PRKCB: variants seen among roughly 807,000 people sequenced by gnomAD.
PRKCB encodes protein kinase C beta, also known as protein kinase C beta type.
A neutral mutation model predicts 81.5 loss-of-function variants in PRKCB; 13 were observed. The ratio of observed to expected loss-of-function variants is 0.16; its 90% CI spans 0.10 to 0.25. The LOEUF is 0.25. PRKCB is among the 10% of genes least tolerant of loss of function. The pLI is 1.00. For missense variants in PRKCB, 509 were observed against 875.7 expected (o/e 0.58, Z 5.29); for synonymous variants, 335 against 321.4 (o/e 1.04, Z -0.45).
At chr16:24,030,656 A>G (rs1486434692) in intron 3 of PRKCB, among the ~76,000 whole-genome samples, 4 of 150,530 alleles carry the variant, frequency 2.7e-5, no homozygotes. Context: ...AGGTGGGAGG[A>G]TCATTTGAGG....
At chr16:24,151,683 T>C (rs1274415541) in intron 9 of PRKCB, 1 of 408,658 alleles carries the variant, frequency 2.4e-6, no homozygotes, top group Non-Finnish European at 5.0e-6. Context: ...GGGAGTCGAA[T>C]GTTCAAAGGA....
intron 9 of PRKCB, among the ~76,000 whole-genome samples, chr16:24,147,306 C>CAAAAAAAAA (rs34855077): frequency 8.7e-6 from 1 of 114,912 alleles, no homozygotes. Context: ...GACTCTGTCT[C>CAAAAAAAAA]AAAAAAAAAA....
chr16:23,882,025 C>CTTTCTCTTTCTTTCTTTCTTTCTCTTT (rs1597226197), intron 2 of PRKCB, among the ~76,000 whole-genome samples: 2 of 18,324 alleles, frequency 1.1e-4, no homozygotes, highest in African/African-American at 1.5e-4. Context: ...TTTCTTTCTT[C>CTTTCTCTTTCTTTCTTTCTTTCTCTTT]CTTCCTTCCT....
At chr16:24,075,012 G>A (rs533714825) in intron 5 of PRKCB, among the ~76,000 whole-genome samples, 75 of 151,854 alleles carry the variant, frequency 4.9e-4, no homozygotes, top group African/African-American at 1.7e-3. Context: ...CCAGCTACTC[G>A]GGAGGCTGAG....
chr16:23,912,428 T>A (rs2141734591), intron 2 of PRKCB, among the ~76,000 whole-genome samples: 1 of 152,038 alleles, frequency 6.6e-6, no homozygotes, highest in South Asian at 2.1e-4. Flanking sequence ...CGTGTCCTGA[T>A]GCTTGCCCTG....
In PRKCB at chr16:24,182,873, T is replaced by TTGTG. The variant is rs10524225; in HGVS notation, c.1533+1971_1533+1974dup. 8.0e-4 allele frequency among the ~76,000 whole-genome samples: 107 copies of TTGTG among 133,608 alleles called. 3 individuals carry two copies. In the East Asian group the frequency reaches 0.015, roughly 19 times the overall value. 87.7% of individuals were successfully genotyped at this position (133,608 alleles called of 152,430 possible). ...ATGCTTGGGCATCCCACATTGTTTCTTGTGTGTGTGTGTGTGTGTGTGTGT... is the reference window on the plus strand; with the variant it reads ...ATGCTTGGGCATCCCACATTGTTTCTTGTGTGTGTGTGTGTGTGTGTGTGTGTGT... On this transcript the variant is annotated intron_variant, in intron 13 of 16. Coordinates refer to ENST00000643927, the MANE Select transcript of PRKCB (RefSeq NM_002738.7).
chr16:24,151,567 C>T (rs548049360), intron 9 of PRKCB: 4 of 292,368 alleles, frequency 1.4e-5, no homozygotes, highest in South Asian at 3.2e-5. Context: ...AGGTAGTGGC[C>T]GATTTGGTCT....
intron 3 of PRKCB, among the ~76,000 whole-genome samples, chr16:23,995,549 A>G (rs1010647906): frequency 2.0e-5 from 3 of 152,148 alleles, no homozygotes; most frequent in African/African-American, 7.2e-5. Flanking sequence ...GAAACTGACG[A>G]TTTGACCATG....
chr16:23,892,456 C>A (rs949208066), intron 2 of PRKCB, among the ~76,000 whole-genome samples: 9 of 152,154 alleles, frequency 5.9e-5, no homozygotes, highest in African/African-American at 2.2e-4. Context: ...AACCCCAGAG[C>A]TTTAATCTTA....
intron 2 of PRKCB, among the ~76,000 whole-genome samples, chr16:23,865,495 ATATATATATATATATATATATATGTG>A (rs1962766960): frequency 6.1e-5 from 1 of 16,370 alleles, no homozygotes; most frequent in Non-Finnish European, 1.0e-4. Context: ...ATATATATAT[ATATATATATATATATATATATATGTG>A]TGTGTGTGTG....
At chr16:24,007,690 G>A (rs1965144066) in intron 3 of PRKCB, among the ~76,000 whole-genome samples, 1 of 152,248 alleles carries the variant, frequency 6.6e-6, no homozygotes. Context: ...GGACTTGAAT[G>A]AAGCTGATGC....
intron 9 of PRKCB, among the ~76,000 whole-genome samples, chr16:24,145,779 C>T (rs1012814233): frequency 3.9e-5 from 6 of 152,182 alleles, no homozygotes; most frequent in East Asian, 1.9e-4. Flanking sequence ...AGTTGAAAAC[C>T]GGAGGTTGGT....
In PRKCB at chr16:24,105,729, G is replaced by A. The variant is rs576748268; in HGVS notation, c.822-7244G>A. ...ACTCATCCTTTTTTATGGCTGCATAGTATTCCATGGTGTATATATGCCACA... is the reference window on the plus strand; with the variant it reads ...ACTCATCCTTTTTTATGGCTGCATAATATTCCATGGTGTATATATGCCACA... On this transcript the variant is annotated intron_variant, in intron 7 of 16. Transcript: ENST00000643927. Among the ~76,000 whole-genome samples, 7 of 152,272 alleles carry A rather than the reference G, an allele frequency of 4.6e-5. No homozygotes were observed. In the South Asian group the frequency reaches 1.5e-3, roughly 32 times the overall value.
rs1366416808 is a variant in PRKCB, at chr16:24,215,599, T to A, written c.*783T>A. ...CTGGTTTTACATTACATTTCAAACT[T>A]TATTTGCTTTGGGGTTTTGTTTCTG... On this transcript the variant is annotated 3_prime_UTR_variant, in exon 17 of 17. Transcript: ENST00000643927. 4.1e-6 allele frequency: 4 copies of A among 985,508 alleles called. No individual in the cohort carries two copies. 61.0% of individuals were successfully genotyped at this position (985,508 alleles called of 1,614,324 possible). A position where few individuals can be genotyped will look rare whatever the true frequency, so the allele number is the denominator to read the frequency against.
At chr16:23,971,610 G>A (rs1343436076) in intron 2 of PRKCB, among the ~76,000 whole-genome samples, 1 of 152,166 alleles carries the variant, frequency 6.6e-6, no homozygotes, top group African/African-American at 2.4e-5. Context: ...AGCTCCCTCT[G>A]TCCATCTCTG....
intron 2 of PRKCB, among the ~76,000 whole-genome samples, chr16:23,864,301 G>T (rs961210728): frequency 2.6e-5 from 4 of 152,142 alleles, no homozygotes; most frequent in African/African-American, 9.7e-5. Flanking sequence ...ATTAAGAAAA[G>T]ATATTTATTG....
chr16:24,112,212 G>T (rs1251480375), intron 7 of PRKCB, among the ~76,000 whole-genome samples: 1 of 152,196 alleles, frequency 6.6e-6, no homozygotes, highest in Non-Finnish European at 1.5e-5. Flanking sequence ...TGCACCCTAT[G>T]TAGGGTGAAA....
chr16:24,084,817 G>T (rs1324923403), intron 5 of PRKCB, among the ~76,000 whole-genome samples: 1 of 152,148 alleles, frequency 6.6e-6, no homozygotes, highest in Non-Finnish European at 1.5e-5. Flanking sequence ...CTTCTGTAAG[G>T]AATGGGAAAT....
intron 5 of PRKCB, among the ~76,000 whole-genome samples, chr16:24,084,198 T>A (rs950772104): frequency 2.0e-5 from 3 of 152,122 alleles, no homozygotes; most frequent in African/African-American, 7.2e-5. Flanking sequence ...ACAAATAGCA[T>A]TTATCCATGG....
Sources: allele counts gnomAD v4.1 joint callset (sites outside exome capture counted in the v4.1 genomes callset), GRCh38; gene constraint gnomAD v4.1.1; transcripts MANE v1.5; gene names NCBI Gene and HGNC (gene_info 2026-07-23, HGNC 2026-07-21).